Variants in MYRIP observed in about 807,000 individuals in gnomAD.
MYRIP encodes myosin VIIA and Rab interacting protein, also known as rab effector MyRIP.
Under a neutral mutation model 98.0 loss-of-function variants are expected in MYRIP, and 49 were observed. The observed-to-expected ratio is 0.50, with a 90% CI of 0.40 to 0.63. MYRIP has a LOEUF of 0.63. Among genes scored for constraint, MYRIP ranks in the 30% least tolerant of loss-of-function variants. The pLI is 0.00. For missense variants in MYRIP, 1,004 were observed against 1,058.2 expected, an observed-to-expected ratio of 0.95 and a Z score of 0.71; for synonymous variants, 404 against 409.5, an observed-to-expected ratio of 0.99 and a Z score of 0.16.
chr3:40,006,173 A>G (rs929997209), intron 2 of MYRIP, among the ~76,000 whole-genome samples: 1 of 152,232 alleles, frequency 6.6e-6, no homozygotes, highest in Admixed American at 6.5e-5. Flanking sequence ...CACCCAGAGA[A>G]AAACTAGGGT....
At chr3:40,123,395 A>G (rs1190723557) in intron 3 of MYRIP, among the ~76,000 whole-genome samples, 1 of 152,204 alleles carries the variant, frequency 6.6e-6, no homozygotes, top group Non-Finnish European at 1.5e-5. Flanking sequence ...CTGACTGAAA[A>G]TGGGGCCTCA....
In MYRIP at chr3:40,247,700, T is replaced by G. The variant is rs1953249558; in HGVS notation, c.2263-2522T>G. Reference sequence around the variant, plus strand: ...CACCACGTCCAGCTAATTTTTGTATTTTTAGTAGAGAGAGGGTTTCATCAT... The same window carrying G: ...CACCACGTCCAGCTAATTTTTGTATGTTTAGTAGAGAGAGGGTTTCATCAT... On this transcript the variant is annotated intron_variant, in intron 13 of 16. Transcript: ENST00000302541. Among the ~76,000 whole-genome samples, 6 of 152,150 alleles carry G rather than the reference T, an allele frequency of 3.9e-5. No homozygotes were observed. The South Asian group carries it at 8.3e-4, about 21-fold the overall frequency.
At chr3:40,172,498 CACAGTGGCA>C (rs958408704) in intron 8 of MYRIP, among the ~76,000 whole-genome samples, 7 of 152,110 alleles carry the variant, frequency 4.6e-5, no homozygotes, top group African/African-American at 1.7e-4. Flanking sequence ...GGGTAAGGGG[CACAGTGGCA>C]ACAGTGGCAG....
At chr3:39,877,784 G>A (rs1428124105) in intron 1 of MYRIP, among the ~76,000 whole-genome samples, 1 of 152,160 alleles carries the variant, frequency 6.6e-6, no homozygotes. Context: ...GGCTGCTCGG[G>A]GGTCAGGGGT....
chr3:40,094,066 C>T (rs545554337), intron 3 of MYRIP, among the ~76,000 whole-genome samples: 3 of 152,250 alleles, frequency 2.0e-5, no homozygotes, highest in African/African-American at 7.2e-5. Flanking sequence ...CTTCACATGT[C>T]CCAATTTTAT....
rs372004026 is a variant in MYRIP, at chr3:40,258,669, T to G, written c.*503T>G. 6.2e-6 allele frequency: 1 copy of G among 161,314 alleles called. No individual in the cohort carries two copies. Among genetic ancestry groups the G allele is most frequent in the Non-Finnish European group, 1.4e-5 (1 of 72,552 alleles). The allele number at this position is 161,314 out of a possible 1,614,324, so 10.0% of individuals were successfully genotyped here. A position where few individuals can be genotyped will look rare whatever the true frequency, so the allele number is the denominator to read the frequency against. Reference sequence around the variant, plus strand: ...AAATCCTAAGGGAAAAGCAAGTCCCTGCAGTGAGCACTAGGGACAGTCTAA... The same window carrying G: ...AAATCCTAAGGGAAAAGCAAGTCCCGGCAGTGAGCACTAGGGACAGTCTAA... On this transcript the variant is annotated 3_prime_UTR_variant, in exon 17 of 17. Coordinates refer to ENST00000302541, the MANE Select transcript of MYRIP (RefSeq NM_015460.4).
chr3:39,920,749 T>G (rs1944286322), intron 2 of MYRIP, among the ~76,000 whole-genome samples: 1 of 152,232 alleles, frequency 6.6e-6, no homozygotes, highest in Non-Finnish European at 1.5e-5. Context: ...TTGCAGCTAC[T>G]GAGAATGTTT....
rs563663831 is a variant in MYRIP, at chr3:39,884,482, C to A, written c.-30-16305C>A. Among the ~76,000 whole-genome samples the A allele has an allele frequency of 5.9e-5, 9 of 152,164 alleles. No individual in the cohort carries two copies. The South Asian group carries it at 1.9e-3, about 32-fold the overall frequency. Reference sequence around the variant, plus strand: ...ACTTTGAGTAAAGCAGATTACCCTCCACAATGTGGATGGGCCCCCATCCAG... The same window carrying A: ...ACTTTGAGTAAAGCAGATTACCCTCAACAATGTGGATGGGCCCCCATCCAG... On this transcript the variant is annotated intron_variant, in intron 1 of 16. Transcript: ENST00000302541.
At chr3:39,851,718 A>C (rs1425347828) in intron 1 of MYRIP, among the ~76,000 whole-genome samples, 1 of 152,184 alleles carries the variant, frequency 6.6e-6, no homozygotes, top group Non-Finnish European at 1.5e-5. Flanking sequence ...ATAAAATCAT[A>C]GTGTCACTTC....
At chr3:39,886,343 A>G (rs1296016485) in intron 1 of MYRIP, among the ~76,000 whole-genome samples, 2 of 151,552 alleles carry the variant, frequency 1.3e-5, no homozygotes, top group African/African-American at 2.4e-5. Flanking sequence ...TAACAATATT[A>G]ACTTTAAATG....
intron 1 of MYRIP, among the ~76,000 whole-genome samples, chr3:39,855,836 C>A (rs1348630502): frequency 6.6e-6 from 1 of 152,130 alleles, no homozygotes; most frequent in Non-Finnish European, 1.5e-5. Flanking sequence ...CCGCTTCTCC[C>A]CAAGACTCTG....
intron 1 of MYRIP, among the ~76,000 whole-genome samples, chr3:39,872,679 A>C (rs1942840487): frequency 6.6e-6 from 1 of 151,904 alleles, no homozygotes; most frequent in Non-Finnish European, 1.5e-5. Context: ...ATCATTTTTT[A>C]TGGCTGCATA....
chr3:40,129,307 G>T (rs1361499867), intron 3 of MYRIP, among the ~76,000 whole-genome samples: 1 of 151,374 alleles, frequency 6.6e-6, no homozygotes, highest in Non-Finnish European at 1.5e-5. Flanking sequence ...CAGGCATAGT[G>T]GGGGGCGCCT....
At position 39,887,546 on chromosome 3, in the gene MYRIP, C is replaced by T. The variant is rs558492586; in HGVS notation, c.-30-13241C>T. Among the ~76,000 whole-genome samples, 24 of 152,214 alleles carry T rather than the reference C, an allele frequency of 1.6e-4. No individual in the cohort carries two copies. The South Asian group carries it at 4.6e-3, about 29-fold the overall frequency. ...CGTATTTCAAAATAATGAGAGCTATCTATGACAAACCCACAGCCAATATCA... is the reference window on the plus strand; with the variant it reads ...CGTATTTCAAAATAATGAGAGCTATTTATGACAAACCCACAGCCAATATCA... On this transcript the variant is annotated intron_variant, in intron 1 of 16. Coordinates refer to ENST00000302541, the MANE Select transcript of MYRIP (RefSeq NM_015460.4).
chr3:40,073,131 A>G (rs555591822), intron 3 of MYRIP, among the ~76,000 whole-genome samples: 1 of 152,230 alleles, frequency 6.6e-6, no homozygotes. Flanking sequence ...AGCTAAAATT[A>G]TCCTGACTCT....
At chr3:40,185,350 G>A (rs887138989) in intron 9 of MYRIP, among the ~76,000 whole-genome samples, 2 of 152,128 alleles carry the variant, frequency 1.3e-5, no homozygotes, top group East Asian at 1.9e-4. Flanking sequence ...TATATGCTGC[G>A]TGTGTTCAGT....
intron 2 of MYRIP, among the ~76,000 whole-genome samples, chr3:39,981,813 G>A (rs1945903274): frequency 6.6e-6 from 1 of 152,152 alleles, no homozygotes; most frequent in East Asian, 1.9e-4. Flanking sequence ...GCACATATCA[G>A]CAGATGTTTG....
chr3:39,960,750 G>C (rs1039232262), intron 2 of MYRIP, among the ~76,000 whole-genome samples: 4 of 152,150 alleles, frequency 2.6e-5, no homozygotes, highest in African/African-American at 9.6e-5. Flanking sequence ...ATAACAGGTT[G>C]CTAATGAGGG....
intron 1 of MYRIP, among the ~76,000 whole-genome samples, chr3:39,823,800 T>A (rs1394016454): frequency 6.6e-6 from 1 of 152,158 alleles, no homozygotes; most frequent in African/African-American, 2.4e-5. Context: ...CTGTAGGTTG[T>A]CTTATCACTC....
Sources: allele counts gnomAD v4.1 joint callset (sites outside exome capture counted in the v4.1 genomes callset), GRCh38; gene constraint gnomAD v4.1.1; transcripts MANE v1.5; gene names NCBI Gene and HGNC (gene_info 2026-07-23, HGNC 2026-07-21).